CDH13: variants seen among roughly 807,000 people sequenced by gnomAD.
CDH13 encodes cadherin 13.
Under a neutral mutation model 63.8 loss-of-function variants are expected in CDH13, and 24 were observed. The observed-to-expected ratio is 0.38, with a 90% CI of 0.27 to 0.53. CDH13 has a LOEUF of 0.53. CDH13 is among the 20% of genes least tolerant of loss of function. CDH13 has a pLI of 0.85. For missense variants in CDH13, 1,049 were observed against 903.1 expected (o/e 1.16, Z -2.07); for synonymous variants, 503 against 355.3 (o/e 1.42, Z -4.67).
intron 5 of CDH13, among the ~76,000 whole-genome samples, chr16:83,245,499 A>T (rs973677709): frequency 3.3e-5 from 5 of 152,228 alleles, no homozygotes; most frequent in African/African-American, 1.2e-4. Context: ...CTCCTTTGGA[A>T]AGTAAAACCC....
intron 9 of CDH13, among the ~76,000 whole-genome samples, chr16:83,677,918 C>A (rs1334117266): frequency 6.6e-6 from 1 of 152,096 alleles, no homozygotes; most frequent in Non-Finnish European, 1.5e-5. Flanking sequence ...CACTAAGGTT[C>A]AAGTCACTCA....
intron 6 of CDH13, among the ~76,000 whole-genome samples, chr16:83,475,841 T>A (rs530189817): frequency 7.2e-5 from 11 of 152,174 alleles, no homozygotes; most frequent in Admixed American, 6.5e-5. Context: ...CACCTCGGCC[T>A]CCCAAAGTGA....
At chr16:83,245,084 C>A (rs1165868432) in intron 5 of CDH13, among the ~76,000 whole-genome samples, 1 of 151,126 alleles carries the variant, frequency 6.6e-6, no homozygotes, top group East Asian at 1.9e-4. Flanking sequence ...AGCAGTCCCA[C>A]ACTTGCTATG....
chr16:82,965,561 T>C (rs78825122), intron 2 of CDH13, among the ~76,000 whole-genome samples: 2,028 of 152,346 alleles, frequency 0.013, 37 homozygotes, highest in African/African-American at 0.047. Context: ...AGATGCAGTC[T>C]CACTCTGCCA....
intron 6 of CDH13, among the ~76,000 whole-genome samples, chr16:83,458,953 C>G (rs971775633): frequency 6.6e-6 from 1 of 152,236 alleles, no homozygotes; most frequent in Admixed American, 6.5e-5. Flanking sequence ...AAAGCAGTGT[C>G]TATTTACAGA....
chr16:83,259,142 G>A (rs1018246008), intron 5 of CDH13, among the ~76,000 whole-genome samples: 7 of 152,116 alleles, frequency 4.6e-5, no homozygotes, highest in Admixed American at 2.0e-4. Flanking sequence ...ATGGGAGGCC[G>A]GCTGAGGGGG....
intron 2 of CDH13, among the ~76,000 whole-genome samples, chr16:82,974,887 C>G (rs748036047): frequency 2.6e-5 from 4 of 152,178 alleles, no homozygotes; most frequent in Non-Finnish European, 5.9e-5. Context: ...TTGCTTTAAG[C>G]CATTAAGTTC....
chr16:83,374,748 G>C (rs2306904), intron 6 of CDH13, among the ~76,000 whole-genome samples: 62,712 of 152,038 alleles, frequency 0.41, 13,364 homozygotes, highest in Middle Eastern at 0.47. Context: ...CTGAGAGTGT[G>C]AAAGAATGAC....
At chr16:83,310,959 A>G (rs555337371) in intron 5 of CDH13, among the ~76,000 whole-genome samples, 12 of 152,336 alleles carry the variant, frequency 7.9e-5, no homozygotes, top group African/African-American at 2.9e-4. Context: ...AGTTCCAGAA[A>G]GACCACACAA....
chr16:82,985,792 G>C (rs1480896504), intron 2 of CDH13, among the ~76,000 whole-genome samples: 3 of 152,138 alleles, frequency 2.0e-5, no homozygotes, highest in Non-Finnish European at 4.4e-5. Flanking sequence ...TCTCCTAAAT[G>C]GTTTACTACC....
At chr16:83,766,062 T>G (rs1415008960) in intron 11 of CDH13, among the ~76,000 whole-genome samples, 1 of 152,170 alleles carries the variant, frequency 6.6e-6, no homozygotes, top group Admixed American at 6.5e-5. Context: ...GATGGGCCCA[T>G]CTTCCTGATT....
chr16:83,491,384 T>C (rs2074007996), intron 7 of CDH13, among the ~76,000 whole-genome samples: 1 of 152,178 alleles, frequency 6.6e-6, no homozygotes, highest in South Asian at 2.1e-4. Flanking sequence ...GGCATCTCTG[T>C]CTATGTTTTT....
intron 1 of CDH13, among the ~76,000 whole-genome samples, chr16:82,810,030 C>T (rs1038495018): frequency 3.3e-5 from 5 of 152,306 alleles, no homozygotes; most frequent in South Asian, 2.1e-4. Context: ...TGCCATCGCC[C>T]GGTGCCTTAG....
At chr16:82,664,789 TAAC>T (rs780982903) in intron 1 of CDH13, among the ~76,000 whole-genome samples, 2 of 152,220 alleles carry the variant, frequency 1.3e-5, no homozygotes, top group African/African-American at 4.8e-5. Flanking sequence ...TATGAAACAG[TAAC>T]AACAACATCA....
chr16:83,579,138 G>C (rs1905304713), intron 7 of CDH13, among the ~76,000 whole-genome samples: 2 of 152,208 alleles, frequency 1.3e-5, no homozygotes, highest in Non-Finnish European at 1.5e-5. Context: ...AAGTGGAGCA[G>C]GGCTGTACCT....
intron 8 of CDH13, among the ~76,000 whole-genome samples, chr16:83,624,918 G>A (rs938095017): frequency 1.3e-5 from 2 of 152,184 alleles, no homozygotes; most frequent in African/African-American, 2.4e-5. Flanking sequence ...GTGAAAAGCT[G>A]GTGTGTTGCA....
At chr16:83,643,272 T>C in intron 8 of CDH13, among the ~76,000 whole-genome samples, 1 of 78,600 alleles carries the variant, frequency 1.3e-5, no homozygotes, top group Admixed American at 1.6e-4. Flanking sequence ...ACCCTATAAC[T>C]TAGAGTATAA....
intron 6 of CDH13, among the ~76,000 whole-genome samples, chr16:83,476,935 G>T (rs1411881734): frequency 2.0e-5 from 3 of 152,152 alleles, no homozygotes; most frequent in African/African-American, 7.2e-5. Context: ...GGGAATGGTA[G>T]ATAAAAAGAT....
chr16:83,060,098 T>C (rs2031391207), intron 3 of CDH13, among the ~76,000 whole-genome samples: 1 of 152,016 alleles, frequency 6.6e-6, no homozygotes, highest in African/African-American at 2.4e-5. Flanking sequence ...CCGGCCTACT[T>C]TTACGTCTCA....
Sources: gnomAD v4.1 joint callset for allele counts (sites outside exome capture counted in the v4.1 genomes callset) on GRCh38, gnomAD v4.1.1 for gene constraint, MANE v1.5 for transcripts, NCBI Gene and HGNC (gene_info 2026-07-23, HGNC 2026-07-21) for gene names.